Variants in CADM2 observed in about 807,000 individuals in gnomAD.
CADM2 encodes the protein immunoglobulin superfamily member 4D.
Under a neutral mutation model 49.8 loss-of-function variants are expected in CADM2, and 12 were observed. The ratio of observed to expected loss-of-function variants is 0.24; its 90% CI spans 0.15 to 0.39. CADM2 has a LOEUF of 0.39. CADM2 is among the 10% of genes least tolerant of loss of function. The pLI, the probability that CADM2 is intolerant of heterozygous loss-of-function variation, is 1.00. For missense variants in CADM2, 378 were observed against 492.3 expected, an observed-to-expected ratio of 0.77 and a Z score of 2.20; for synonymous variants, 214 against 175.4, an observed-to-expected ratio of 1.22 and a Z score of -1.74.
At chr3:85,970,820 A>G (rs998965106) in intron 8 of CADM2, among the ~76,000 whole-genome samples, 3 of 151,598 alleles carry the variant, frequency 2.0e-5, no homozygotes, top group Non-Finnish European at 1.5e-5. Context: ...GATGAAATTT[A>G]TATATTAAAT....
At chr3:85,847,823 AG>A (rs779017041) in intron 3 of CADM2, among the ~76,000 whole-genome samples, 3 of 152,194 alleles carry the variant, frequency 2.0e-5, no homozygotes, top group Non-Finnish European at 4.4e-5. Flanking sequence ...GGTAAAGTTT[AG>A]ATTATCAATT....
intron 2 of CADM2, among the ~76,000 whole-genome samples, chr3:85,776,970 A>C (rs2107976604): frequency 6.6e-6 from 1 of 152,206 alleles, no homozygotes; most frequent in South Asian, 2.1e-4. Context: ...ATCACAATTT[A>C]ATGCATTCCT....
chr3:85,249,042 T>C (rs768503396), intron 1 of CADM2, among the ~76,000 whole-genome samples: 57 of 152,296 alleles, frequency 3.7e-4, no homozygotes, highest in Non-Finnish European at 5.3e-4. Flanking sequence ...AATTTTTTTG[T>C]CAAGCCTATT....
At chr3:85,626,369 A>G (rs924896768) in intron 1 of CADM2, among the ~76,000 whole-genome samples, 1 of 152,002 alleles carries the variant, frequency 6.6e-6, no homozygotes, top group African/African-American at 2.4e-5. Flanking sequence ...AAACAGTTTA[A>G]TTTACAATGA....
chr3:85,854,239 G>T (rs770495681), intron 3 of CADM2, among the ~76,000 whole-genome samples: 4 of 152,040 alleles, frequency 2.6e-5, no homozygotes, highest in Admixed American at 1.3e-4. Context: ...AATAATGTGG[G>T]TGTTCTAAAT....
At chr3:85,574,174 T>G (rs1339401386) in intron 1 of CADM2, among the ~76,000 whole-genome samples, 1 of 152,234 alleles carries the variant, frequency 6.6e-6, no homozygotes, top group Non-Finnish European at 1.5e-5. Context: ...TTTTTAGGCC[T>G]AGACATTTCC....
intron 1 of CADM2, among the ~76,000 whole-genome samples, chr3:85,266,336 G>T (rs2043120582): frequency 6.6e-6 from 1 of 151,826 alleles, no homozygotes; most frequent in African/African-American, 2.4e-5. Context: ...GAGAGAAAAT[G>T]ATTTTATGAC....
At chr3:85,457,876 A>T (rs900497496) in intron 1 of CADM2, among the ~76,000 whole-genome samples, 1 of 152,162 alleles carries the variant, frequency 6.6e-6, no homozygotes, top group Admixed American at 6.5e-5. Context: ...GATGTAACAC[A>T]ATTCTTTTTG....
chr3:85,333,112 G>T (rs1031320756), intron 1 of CADM2, among the ~76,000 whole-genome samples: 1 of 151,622 alleles, frequency 6.6e-6, no homozygotes, highest in South Asian at 2.1e-4. Context: ...GCTCCTGTGG[G>T]ATTTAATCTT....
At chr3:84,982,071 A>C (rs999750694) in intron 1 of CADM2, among the ~76,000 whole-genome samples, 1 of 152,206 alleles carries the variant, frequency 6.6e-6, no homozygotes, top group Non-Finnish European at 1.5e-5. Context: ...TTGAGCTGAC[A>C]AGCTATGCAT....
chr3:85,666,199 T>A (rs1266645624), intron 1 of CADM2, among the ~76,000 whole-genome samples: 1 of 152,048 alleles, frequency 6.6e-6, no homozygotes. Context: ...GTGAAGGACA[T>A]CTTCATGGAG....
At chr3:85,246,073 G>T (rs1299497697) in intron 1 of CADM2, among the ~76,000 whole-genome samples, 3 of 152,106 alleles carry the variant, frequency 2.0e-5, no homozygotes, top group Non-Finnish European at 4.4e-5. Flanking sequence ...GTGTGTACTT[G>T]TATTTTAAAC....
chr3:85,643,618 T>C (rs1185781675), intron 1 of CADM2, among the ~76,000 whole-genome samples: 1 of 152,140 alleles, frequency 6.6e-6, no homozygotes, highest in Non-Finnish European at 1.5e-5. Context: ...TAGAATCAAC[T>C]ATGCTGAAGC....
chr3:85,795,811 A>T (rs1245255189), intron 2 of CADM2, among the ~76,000 whole-genome samples: 1 of 152,182 alleles, frequency 6.6e-6, no homozygotes, highest in Non-Finnish European at 1.5e-5. Flanking sequence ...ATGGTGACTC[A>T]TTTGTTTTCA....
chr3:85,272,809 A>G (rs1468685060), intron 1 of CADM2, among the ~76,000 whole-genome samples: 1 of 151,322 alleles, frequency 6.6e-6, no homozygotes, highest in South Asian at 2.1e-4. Flanking sequence ...GTCTCCTACT[A>G]TTGTCCAGAC....
intron 1 of CADM2, among the ~76,000 whole-genome samples, chr3:85,224,717 G>A (rs1236963536): frequency 2.6e-5 from 4 of 152,112 alleles, no homozygotes; most frequent in Non-Finnish European, 4.4e-5. Context: ...TTTTCTTCTA[G>A]GGTTTTTATG....
intron 1 of CADM2, among the ~76,000 whole-genome samples, chr3:85,455,772 G>A (rs1346660543): frequency 2.0e-5 from 3 of 152,074 alleles, no homozygotes; most frequent in Admixed American, 6.6e-5. Flanking sequence ...CAGCAGAAAC[G>A]CAAAGCCCAC....
chr3:85,618,430 A>T (rs1292625833), intron 1 of CADM2, among the ~76,000 whole-genome samples: 1 of 152,188 alleles, frequency 6.6e-6, no homozygotes, highest in Non-Finnish European at 1.5e-5. Context: ...GAAAAAAAAG[A>T]TAGAAGATGT....
intron 1 of CADM2, among the ~76,000 whole-genome samples, chr3:85,081,726 T>C (rs1487519468): frequency 1.3e-5 from 2 of 152,150 alleles, no homozygotes; most frequent in South Asian, 2.1e-4. Context: ...CTCCAGGGCA[T>C]CGAGGAAGAG....
Sources: gnomAD v4.1 joint callset for allele counts (sites outside exome capture counted in the v4.1 genomes callset) on GRCh38, gnomAD v4.1.1 for gene constraint, MANE v1.5 for transcripts, NCBI Gene and HGNC (gene_info 2026-07-23, HGNC 2026-07-21) for gene names.